The following KLB variants were observed in gnomAD, a reference collection of about 807,000 sequenced individuals.
The protein encoded by KLB is klotho beta.
In KLB, 44 loss-of-function variants were observed where a neutral mutation model predicts 88.4. That is an observed-to-expected ratio of 0.50 (90% CI 0.39 to 0.64). The LOEUF (loss-of-function observed/expected upper bound fraction) is 0.64, where lower values mean the gene tolerates loss of function less well. Among genes scored for constraint, KLB ranks in the 30% least tolerant of loss-of-function variants. KLB has a pLI of 0.00. For missense variants in KLB, 1,137 were observed against 1,304.8 expected (o/e 0.87, Z 1.98); for synonymous variants, 548 against 513.4 (o/e 1.07, Z -0.91).
At chr4:39,447,975 T>C (rs7674617) in intron 4 of KLB, among the ~76,000 whole-genome samples, 18,652 of 152,212 alleles carry the variant, frequency 0.12, 1,243 homozygotes, top group Non-Finnish European at 0.15. Flanking sequence ...TCAGGCCAAA[T>C]AGGCAACGTT....
At chr4:39,421,211 G>A (rs563170619) in intron 1 of KLB, among the ~76,000 whole-genome samples, 89 of 152,266 alleles carry the variant, frequency 5.8e-4, no homozygotes, top group Admixed American at 8.5e-4. Context: ...TTAAATAAAT[G>A]TTTGTAGACT....
intron 1 of KLB, among the ~76,000 whole-genome samples, chr4:39,433,489 A>T (rs994958008): frequency 6.6e-6 from 1 of 152,184 alleles, no homozygotes; most frequent in Non-Finnish European, 1.5e-5. Context: ...ATTATTACTC[A>T]TTTATAGGAT....
chr4:39,448,276 A>C, intron 4 of KLB, 25 bp from the exon 5 acceptor site: 1 of 1,504,044 alleles, frequency 6.6e-7, no homozygotes, highest in Admixed American at 2.1e-5. Flanking sequence ...ATTTGTGATT[A>C]ATGTTAATTT....
At chr4:39,412,106 G>T (rs1742865631) in intron 1 of KLB, 1 of 151,752 alleles carries the variant, frequency 6.6e-6, no homozygotes, top group East Asian at 2.0e-4. Flanking sequence ...ACTGCATATT[G>T]GATACAATGT....
intron 4 of KLB, 148 bp downstream of exon 4, chr4:39,447,623 C>A: frequency 1.6e-6 from 1 of 621,784 alleles, no homozygotes; most frequent in Non-Finnish European, 2.5e-6. Flanking sequence ...TGAAAACTGG[C>A]CTATGGGATT....
intron 1 of KLB, among the ~76,000 whole-genome samples, chr4:39,433,791 C>T (rs111943211): frequency 0.052 from 7,977 of 152,038 alleles, 244 homozygotes; most frequent in African/African-American, 0.064. Flanking sequence ...ACCTGGGAGG[C>T]GGAGGTTGCA....
chr4:39,406,943 G>A lies in KLB; in HGVS notation c.-7G>A. The A allele has an allele frequency of 6.3e-7, 1 of 1,598,884 alleles. No homozygotes were observed. Among genetic ancestry groups the A allele is most frequent in the African/African-American group, 1.3e-5 (1 of 74,742 alleles). The stretch of plus-strand genomic sequence containing the variant: ...CTTTGATAAGACAGTCCAGCAGTTG[G>A]TGGCAAATGAAGCCAGGCTGTGCGG... On this transcript the variant is annotated 5_prime_UTR_variant, in exon 1 of 5. The change creates a new upstream start codon in the 5' untranslated region. Coordinates refer to ENST00000257408, the MANE Select transcript of KLB (RefSeq NM_175737.4).
chr4:39,447,131 C>G lies in KLB; in HGVS notation c.2405C>G (p.Ala802Gly), dbSNP rs1489050242. 1 of 1,613,568 alleles carries G rather than the reference C, an allele frequency of 6.2e-7. No homozygotes were observed. Among genetic ancestry groups the G allele is most frequent in the Admixed American group, 1.7e-5 (1 of 60,028 alleles). The part of the protein sequence containing the change: ...SKHRRGLSSS[A>G]LPRLTEAERR... Reference sequence around the variant, plus strand: ...CACCGACGGGGGCTTTCCAGCTCGGCCCTGCCGCGCCTCACCGAGGCCGAA... The same window carrying G: ...CACCGACGGGGGCTTTCCAGCTCGGGCCTGCCGCGCCTCACCGAGGCCGAA... Residue 802 changes from alanine to glycine, a missense_variant, in exon 4 of 5, where the codon GCC becomes GGC. Physicochemically the swap from Ala to Gly is moderately conservative, Grantham distance 60 (BLOSUM62 0). Around this residue, in one of 4 missense-constraint regions of KLB, gnomAD observed 426 missense variants for 404.6 expected, o/e 1.05. Coordinates refer to ENST00000257408, the MANE Select transcript of KLB (RefSeq NM_175737.4).
chr4:39,408,948 GA>G (rs918916661), intron 1 of KLB, among the ~76,000 whole-genome samples: 4 of 135,320 alleles, frequency 3.0e-5, no homozygotes, highest in African/African-American at 5.4e-5. Context: ...TACAGAAGTA[GA>G]AAAAAAATAC....
chr4:39,440,788 G>A (rs774102507), intron 3 of KLB, among the ~76,000 whole-genome samples: 13 of 151,334 alleles, frequency 8.6e-5, no homozygotes, highest in Non-Finnish European at 1.2e-4. Context: ...AAACTCCTGA[G>A]CTTAGGCAAT....
intron 1 of KLB, among the ~76,000 whole-genome samples, chr4:39,425,733 C>T (rs1449808228): frequency 2.6e-5 from 4 of 152,186 alleles, no homozygotes; most frequent in Non-Finnish European, 1.5e-5. Flanking sequence ...TGAGCCACCA[C>T]ATCTGGCCAG....
intron 1 of KLB, among the ~76,000 whole-genome samples, chr4:39,428,149 A>T (rs1341697766): frequency 6.6e-6 from 1 of 152,252 alleles, no homozygotes; most frequent in African/African-American, 2.4e-5. Flanking sequence ...TAGGTAGTCC[A>T]GGCCGGGTGG....
rs192210072 is a variant in KLB at position 39,443,877 on chromosome 4, G to C, written c.1606-2455G>C. On this transcript the variant is annotated intron_variant, in intron 3 of 4. Coordinates refer to ENST00000257408, the MANE Select transcript of KLB (RefSeq NM_175737.4). ...GGTTTTAACATTCTTTCATGAACCG[G>C]GCCGGGCACAGTGGCTCACCTGTAA... Among the ~76,000 whole-genome samples the C allele has an allele frequency of 1.0e-3, 153 of 151,120 alleles. 1 individual carries two copies. The highest frequency in any genetic ancestry group is 3.7e-3 in the African/African-American group (152 of 41,190).
At chr4:39,414,203 T>C (rs1742918064) in intron 1 of KLB, among the ~76,000 whole-genome samples, 1 of 151,710 alleles carries the variant, frequency 6.6e-6, no homozygotes, top group Admixed American at 6.6e-5. Flanking sequence ...ATGAGGGGCA[T>C]AAAAATGATT....
chr4:39,447,097 G>A lies in KLB; in HGVS notation c.2371G>A (p.Ala791Thr). 1 of 1,613,270 alleles carries A rather than the reference G, an allele frequency of 6.2e-7. No individual in the cohort carries two copies. The highest frequency in any genetic ancestry group is 8.5e-7 in the Non-Finnish European group (1 of 1,179,990). ...CCCCGCGGCCATGAGGGAATACATT[G>A]CCTCCAAGCACCGACGGGGGCTTTC... ...DYPAAMREYI[A>T]SKHRRGLSSS... Residue 791 changes from alanine to threonine, a missense_variant, in exon 4 of 5, where the codon GCC becomes ACC. Transcript: ENST00000257408.
intron 1 of KLB, among the ~76,000 whole-genome samples, chr4:39,429,796 G>A (rs1355073963): frequency 6.6e-6 from 1 of 152,144 alleles, no homozygotes; most frequent in Non-Finnish European, 1.5e-5. Context: ...GCAAACTCAC[G>A]ATCTTGGAGC....
intron 1 of KLB, among the ~76,000 whole-genome samples, chr4:39,427,133 G>C (rs757897253): frequency 6.6e-6 from 1 of 152,082 alleles, no homozygotes; most frequent in Non-Finnish European, 1.5e-5. Context: ...CCAGGAGTTC[G>C]ATACCAGCCT....
intron 1 of KLB, among the ~76,000 whole-genome samples, chr4:39,423,738 G>C (rs1743137209): frequency 6.6e-6 from 1 of 151,776 alleles, no homozygotes; most frequent in Non-Finnish European, 1.5e-5. Context: ...GTGGACAACT[G>C]TGAACACAAT....
chr4:39,407,573 G>T lies in KLB; in HGVS notation c.624G>T (p.Gly208=). 6.2e-7 allele frequency: 1 copy of T among 1,613,998 alleles called. No homozygotes were observed. Among genetic ancestry groups the T allele is most frequent in the East Asian group, 2.2e-5 (1 of 44,884 alleles). The change falls in exon 1 of 5, where the codon GGG becomes GGT. Residue 208 remains glycine, a synonymous_variant. Coordinates refer to ENST00000257408, the MANE Select transcript of KLB (RefSeq NM_175737.4). ...TGGCACTACAAGAAAAATATGGGGG[G>T]TGGAAAAATGATACCATAATAGATA... ...LPLALQEKYG[G]WKNDTIIDIF...
Sources: gnomAD v4.1 joint callset for allele counts (sites outside exome capture counted in the v4.1 genomes callset) on GRCh38, gnomAD v4.1.1 for gene constraint, gnomAD v4.1.1 regional missense constraint, MANE v1.5 for transcripts, NCBI Gene and HGNC (gene_info 2026-07-23, HGNC 2026-07-21) for gene names.